Variants in TENM2 observed in about 807,000 individuals in gnomAD.
The protein encoded by TENM2 is teneurin transmembrane protein 2, also known as teneurin-2.
A neutral mutation model predicts 245.2 loss-of-function variants in TENM2; 52 were observed. The observed-to-expected ratio is 0.21, with a 90% CI of 0.17 to 0.27. The LOEUF (loss-of-function observed/expected upper bound fraction) is 0.27. TENM2 is among the 10% of genes least tolerant of loss of function. The pLI, the probability that TENM2 is intolerant of heterozygous loss-of-function variation, is 1.00. For missense variants in TENM2, 3,046 were observed against 3,666.8 expected, an observed-to-expected ratio of 0.83 and a Z score of 4.37; for synonymous variants, 1,363 against 1,438.9, an observed-to-expected ratio of 0.95 and a Z score of 1.19.
intron 2 of TENM2, among the ~76,000 whole-genome samples, chr5:167,763,268 T>C: frequency 6.6e-6 from 1 of 152,228 alleles, no homozygotes; most frequent in East Asian, 1.9e-4. Flanking sequence ...TGGTGTGGTC[T>C]TTTTATTTCT....
chr5:168,007,684 C>T (rs1784931665), intron 5 of TENM2, among the ~76,000 whole-genome samples: 1 of 152,216 alleles, frequency 6.6e-6, no homozygotes, highest in South Asian at 2.1e-4. Flanking sequence ...ACGAACGACT[C>T]ACTGAAAATA....
chr5:168,221,725 T>G (rs1004422444), intron 23 of TENM2, among the ~76,000 whole-genome samples: 1 of 152,158 alleles, frequency 6.6e-6, no homozygotes, highest in Non-Finnish European at 1.5e-5. Flanking sequence ...CACTGGGTCT[T>G]GATAGAAGAA....
At chr5:167,473,793 TTG>T (rs1438689747) in intron 2 of TENM2, among the ~76,000 whole-genome samples, 1 of 152,314 alleles carries the variant, frequency 6.6e-6, no homozygotes, top group East Asian at 1.9e-4. Context: ...TGGATCAAAA[TTG>T]TACCTATCTT....
At chr5:166,985,221 T>C in the TENM2 span, among the ~76,000 whole-genome samples, 1 of 152,150 alleles carries the variant, frequency 6.6e-6, no homozygotes, top group African/African-American at 2.4e-5. Flanking sequence ...TTTCTATTCA[T>C]GGAGCCTGGT....
rs754293472 is a variant in TENM2, at chr5:168,244,532, G to A, written c.5633G>A (p.Arg1878His). 9.9e-6 allele frequency: 16 copies of A among 1,612,084 alleles called. No individual in the cohort carries two copies. Among genetic ancestry groups the A allele is most frequent in the Non-Finnish European group, 1.3e-5 (15 of 1,178,820 alleles). The change falls in exon 26 of 29, where the codon CGC becomes CAC. Residue 1878 changes from arginine to histidine, a missense_variant. Physicochemically the swap from Arg to His is conservative, Grantham distance 29. Around this residue, in one of 2 missense-constraint regions of TENM2, gnomAD observed 2,704 missense variants for 3,331.9 expected, o/e 0.81. Coordinates refer to ENST00000518659, the Ensembl canonical transcript of TENM2. This position sits in a 1 kb window ranked among gnomAD's most constrained non-coding sequence, Gnocchi z 4.9. Reference sequence around the variant, plus strand: ...AGGATCATTTATGACCAGGTGGGCCGCCCCTTCCTCTGGCTGCCCAGCAGC... The same window carrying A: ...AGGATCATTTATGACCAGGTGGGCCACCCCTTCCTCTGGCTGCCCAGCAGC...
chr5:167,107,255 T>C, the TENM2 span, among the ~76,000 whole-genome samples: 6 of 146,102 alleles, frequency 4.1e-5, no homozygotes, highest in Non-Finnish European at 7.5e-5. Context: ...AGAGCGAAAC[T>C]TCGTGAAAGA....
At chr5:167,372,454 C>G (rs1020863396) in intron 1 of TENM2, among the ~76,000 whole-genome samples, 3 of 152,196 alleles carry the variant, frequency 2.0e-5, no homozygotes, top group East Asian at 1.9e-4. Context: ...ACCTCTGGAA[C>G]CCAGGCCAAA....
At chr5:168,228,021 G>T in exon 25 of TENM2, 1 of 1,613,904 alleles carries the variant, frequency 6.2e-7, no homozygotes, top group Non-Finnish European at 8.5e-7. Context: ...CCCACCATTG[G>T]ACGCTGCAAC....
chr5:168,242,671 A>G (rs1158543749), intron 25 of TENM2, among the ~76,000 whole-genome samples: 1 of 152,112 alleles, frequency 6.6e-6, no homozygotes, highest in Non-Finnish European at 1.5e-5. Context: ...CATTACTATC[A>G]GCTGGGCGTG....
At chr5:167,404,776 T>C (rs1447035638) in intron 2 of TENM2, among the ~76,000 whole-genome samples, 1 of 152,184 alleles carries the variant, frequency 6.6e-6, no homozygotes, top group Admixed American at 6.6e-5. Context: ...TGTAACAGCA[T>C]GATTAAGACA....
intron 1 of TENM2, among the ~76,000 whole-genome samples, chr5:167,357,559 C>A (rs193137803): frequency 6.6e-6 from 1 of 151,944 alleles, no homozygotes; most frequent in Non-Finnish European, 1.5e-5. Flanking sequence ...TTTGCCCGGC[C>A]GAGCCATCCT....
the TENM2 span, among the ~76,000 whole-genome samples, chr5:167,061,820 A>T: frequency 2.0e-5 from 3 of 151,562 alleles, no homozygotes; most frequent in African/African-American, 7.3e-5. Flanking sequence ...AATTAAAAGG[A>T]ACCCTGGAGC....
rs74991645 is a variant in TENM2, at chr5:167,473,414, T to G, written c.502+97941T>G. On this transcript the variant is annotated intron_variant, in intron 2 of 28. Coordinates refer to ENST00000518659, the Ensembl canonical transcript of TENM2. ...ATCATATAACTTTTCCCTAGACATA[T>G]TTAAACTTGAGCTAAATAGCACATT... Among the ~76,000 whole-genome samples the G allele has an allele frequency of 1.2e-3, 177 of 152,342 alleles. 3 individuals are homozygous for G. In the East Asian group the frequency reaches 0.031, roughly 26 times the overall value.
chr5:167,264,096 ACT>A, the TENM2 span, among the ~76,000 whole-genome samples: 7 of 140,480 alleles, frequency 5.0e-5, no homozygotes, highest in East Asian at 1.3e-3. Context: ...TAATAACGAA[ACT>A]CTGTCTCAAA....
chr5:167,142,660 C>T, the TENM2 span, among the ~76,000 whole-genome samples: 3 of 152,130 alleles, frequency 2.0e-5, no homozygotes, highest in African/African-American at 7.2e-5. Flanking sequence ...AAGTGATTCT[C>T]CTGCCTCAGC....
intron 12 of TENM2, among the ~76,000 whole-genome samples, chr5:168,150,533 G>A (rs957496114): frequency 3.9e-5 from 6 of 152,220 alleles, no homozygotes; most frequent in African/African-American, 1.4e-4. Context: ...TGTTAACAGA[G>A]TGGATCAAGC....
chr5:168,218,031 T>C lies in TENM2; in HGVS notation c.4234-94T>C. 1 of 1,398,736 alleles carries C rather than the reference T, an allele frequency of 7.1e-7. No homozygotes were observed. Among genetic ancestry groups the C allele is most frequent in the Non-Finnish European group, 9.7e-7 (1 of 1,030,640 alleles). The allele number at this position is 1,398,736 out of a possible 1,614,324, so 86.6% of individuals were successfully genotyped here. Reference sequence around the variant, plus strand: ...ACAATGTGTTATTAAAAAGCTGTCTTTTTTCCTAGATATATAAAACCAGTA... The same window carrying C: ...ACAATGTGTTATTAAAAAGCTGTCTCTTTTCCTAGATATATAAAACCAGTA... On this transcript the variant is annotated intron_variant, in intron 22 of 28. Coordinates refer to ENST00000518659, the Ensembl canonical transcript of TENM2. This position sits in a 1 kb window ranked among gnomAD's most constrained non-coding sequence, Gnocchi z 5.2.
At chr5:167,810,197 C>G (rs1766529541) in intron 2 of TENM2, among the ~76,000 whole-genome samples, 2 of 152,194 alleles carry the variant, frequency 1.3e-5, no homozygotes, top group African/African-American at 4.8e-5. Context: ...AAACATGTTT[C>G]TAAGCTTCTG....
At chr5:167,697,183 C>A (rs927098738) in intron 2 of TENM2, among the ~76,000 whole-genome samples, 2 of 152,134 alleles carry the variant, frequency 1.3e-5, no homozygotes, top group African/African-American at 4.8e-5. Flanking sequence ...GGGTAAAACC[C>A]CTGTCTGCCT....
Sources: allele counts gnomAD v4.1 joint callset (sites outside exome capture counted in the v4.1 genomes callset), GRCh38; gene constraint gnomAD v4.1.1; regional missense constraint gnomAD v4.1.1; non-coding constraint Gnocchi (gnomAD v3.1); transcripts MANE v1.5; gene names NCBI Gene and HGNC (gene_info 2026-07-23, HGNC 2026-07-21).